The following STPG2 variants were observed in gnomAD, a reference collection of about 807,000 sequenced individuals.
STPG2 encodes sperm-tail PG-rich repeat-containing protein 2.
In STPG2, 56 loss-of-function variants were observed where a neutral mutation model predicts 54.2. That is an observed-to-expected ratio of 1.03 (90% CI 0.83 to 1.29). The LOEUF (loss-of-function observed/expected upper bound fraction) is 1.29. Ranked by LOEUF, STPG2 falls within the 50% of genes most tolerant of loss-of-function variation. The pLI is 0.00. For missense variants in STPG2, 596 were observed against 544.9 expected, an observed-to-expected ratio of 1.09 and a Z score of -0.93; for synonymous variants, 200 against 181.8, an observed-to-expected ratio of 1.10 and a Z score of -0.81.
At chr4:97,526,893 T>A (rs1019031286) in intron 4 of STPG2, among the ~76,000 whole-genome samples, 1 of 152,110 alleles carries the variant, frequency 6.6e-6, no homozygotes, top group South Asian at 2.1e-4. Flanking sequence ...TTTCTGCATA[T>A]GCCTAGCCAG....
chr4:97,477,476 GTTTT>G (rs1018809087), intron 4 of STPG2, among the ~76,000 whole-genome samples: 1 of 120,398 alleles, frequency 8.3e-6, no homozygotes, highest in African/African-American at 3.1e-5. Context: ...TTCCTTTTTT[GTTTT>G]TTTTTTTTTT....
chr4:97,492,327 AT>A (rs752640097), intron 4 of STPG2, among the ~76,000 whole-genome samples: 2 of 151,442 alleles, frequency 1.3e-5, no homozygotes, highest in Non-Finnish European at 3.0e-5. Flanking sequence ...GATCCCAGGA[AT>A]GTCTTTCATG....
At chr4:98,133,134 G>C (rs1379301258) in intron 2 of STPG2, among the ~76,000 whole-genome samples, 1 of 151,936 alleles carries the variant, frequency 6.6e-6, no homozygotes. Context: ...GTTTATTACA[G>C]AGCAAACATT....
At chr4:97,947,734 C>T (rs546945460) in intron 7 of STPG2, among the ~76,000 whole-genome samples, 1 of 152,088 alleles carries the variant, frequency 6.6e-6, no homozygotes, top group African/African-American at 2.4e-5. Flanking sequence ...TAAACCATCC[C>T]TGCATCCCTT....
At position 98,050,448 on chromosome 4, in the gene STPG2, T is replaced by TA. The variant is rs1455889738; in HGVS notation, c.612+55504_612+55505insT. On this transcript the variant is annotated intron_variant, in intron 5 of 10. Coordinates refer to ENST00000295268, the MANE Select transcript of STPG2 (RefSeq NM_174952.3). The stretch of plus-strand genomic sequence containing the variant: ...TTATTCACATTAAGTTTTTTATTTT[T>TA]TAAAAAAAAGGGGGTTCTGCCCCTC... Among the ~76,000 whole-genome samples, 87 of 135,204 alleles carry TA rather than the reference T, an allele frequency of 6.4e-4. No homozygotes were observed. In the Middle Eastern group the frequency reaches 0.01, roughly 16 times the overall value. 88.7% of individuals were successfully genotyped at this position (135,204 alleles called of 152,430 possible). A position where few individuals can be genotyped will look rare whatever the true frequency, so the allele number is the denominator to read the frequency against.
chr4:97,757,267 A>C (rs1725758800), intron 9 of STPG2, among the ~76,000 whole-genome samples: 1 of 152,082 alleles, frequency 6.6e-6, no homozygotes, highest in Admixed American at 6.6e-5. Flanking sequence ...ACCCTTTGCA[A>C]ATGCCTCCCA....
intron 10 of STPG2, among the ~76,000 whole-genome samples, chr4:97,605,785 G>A (rs1215365955): frequency 6.7e-6 from 1 of 149,780 alleles, no homozygotes; most frequent in African/African-American, 2.5e-5. Context: ...CCAAATCAGG[G>A]ATTTCAATAA....
At chr4:97,476,503 GATT>G in intron 4 of STPG2, among the ~76,000 whole-genome samples, 1 of 151,926 alleles carries the variant, frequency 6.6e-6, no homozygotes, top group African/African-American at 2.4e-5. Flanking sequence ...CTGCTTACTT[GATT>G]ATTTTTCCAT....
chr4:97,533,535 T>C (rs1221772350), intron 4 of STPG2, among the ~76,000 whole-genome samples: 1 of 152,158 alleles, frequency 6.6e-6, no homozygotes, highest in Non-Finnish European at 1.5e-5. Flanking sequence ...ATATAACATT[T>C]CCTTCATGCC....
intron 5 of STPG2, among the ~76,000 whole-genome samples, chr4:98,005,811 A>C (rs1413129652): frequency 1.3e-5 from 2 of 152,234 alleles, no homozygotes; most frequent in African/African-American, 4.8e-5. Context: ...GTTCATCAGA[A>C]ATGTTAGCCT....
At chr4:97,762,991 A>G (rs187983524) in intron 9 of STPG2, among the ~76,000 whole-genome samples, 45 of 152,312 alleles carry the variant, frequency 3.0e-4, no homozygotes, top group Non-Finnish European at 5.3e-4. Flanking sequence ...AAATCTTAAC[A>G]TACCTCTGTT....
intron 8 of STPG2, among the ~76,000 whole-genome samples, chr4:97,905,641 A>G (rs1731381332): frequency 6.6e-6 from 1 of 152,184 alleles, no homozygotes; most frequent in African/African-American, 2.4e-5. Flanking sequence ...TAAATGCTCC[A>G]TTAAAAGACA....
chr4:97,842,115 C>A (rs988957375), intron 8 of STPG2, among the ~76,000 whole-genome samples: 2 of 151,722 alleles, frequency 1.3e-5, no homozygotes, highest in Admixed American at 1.3e-4. Context: ...CATATTATCA[C>A]CCTCAAGCAT....
chr4:97,580,950 T>C (rs927618455), intron 10 of STPG2, among the ~76,000 whole-genome samples: 1 of 151,960 alleles, frequency 6.6e-6, no homozygotes, highest in Non-Finnish European at 1.5e-5. Flanking sequence ...AAATTCAGGG[T>C]TTTTTAATCA....
chr4:97,862,865 G>T (rs961547104), intron 8 of STPG2, among the ~76,000 whole-genome samples: 9 of 152,166 alleles, frequency 5.9e-5, no homozygotes, highest in Non-Finnish European at 7.3e-5. Context: ...GTAACGAAAT[G>T]GAGGCAGAAA....
chr4:97,935,024 C>A (rs574026168), intron 8 of STPG2, among the ~76,000 whole-genome samples: 1 of 152,236 alleles, frequency 6.6e-6, no homozygotes, highest in African/African-American at 2.4e-5. Context: ...ATTACTGCCT[C>A]AATTTCAGAA....
intron 5 of STPG2, among the ~76,000 whole-genome samples, chr4:98,080,350 G>A (rs1019972379): frequency 2.6e-5 from 4 of 151,804 alleles, no homozygotes; most frequent in Non-Finnish European, 5.9e-5. Flanking sequence ...TGCCTCAGTC[G>A]CCCAAGGAGC....
chr4:97,782,329 T>C (rs1270156382), intron 9 of STPG2, among the ~76,000 whole-genome samples: 2 of 152,170 alleles, frequency 1.3e-5, no homozygotes, highest in East Asian at 1.9e-4. Context: ...CCATTCACAA[T>C]TGCTTCAAAG....
chr4:97,725,330 A>G (rs2149020190), intron 9 of STPG2, among the ~76,000 whole-genome samples: 2 of 152,112 alleles, frequency 1.3e-5, no homozygotes, highest in South Asian at 2.1e-4. Flanking sequence ...CCCAAACTAG[A>G]TAAATATTTA....
Sources: gnomAD v4.1 joint callset for allele counts (sites outside exome capture counted in the v4.1 genomes callset) on GRCh38, gnomAD v4.1.1 for gene constraint, MANE v1.5 for transcripts, NCBI Gene and HGNC (gene_info 2026-07-23, HGNC 2026-07-21) for gene names.